GEN1: variants seen among roughly 807,000 people sequenced by gnomAD.
GEN1 encodes flap endonuclease GEN homolog 1.
A neutral mutation model predicts 67.6 loss-of-function variants in GEN1; 64 were observed. The observed-to-expected ratio is 0.95, with a 90% confidence interval of 0.77 to 1.17. The LOEUF (loss-of-function observed/expected upper bound fraction) is 1.17, where lower values mean the gene tolerates loss of function less well. GEN1 is among the 50% of genes most tolerant of loss of function. The pLI is 0.00. For missense variants in GEN1, 1,058 were observed against 1,048.3 expected, an observed-to-expected ratio of 1.01 and a Z score of -0.13; for synonymous variants, 371 against 359.4, an observed-to-expected ratio of 1.03 and a Z score of -0.37.
chr2:17,779,216 C>T (rs1345877902), intron 12 of GEN1, among the ~76,000 whole-genome samples: 2 of 152,200 alleles, frequency 1.3e-5, no homozygotes, highest in Admixed American at 6.5e-5. Context: ...AGCCACTGCG[C>T]CCAGCCTGGA....
chr2:17,777,716 C>T (rs1036617635), intron 11 of GEN1, among the ~76,000 whole-genome samples: 1 of 152,080 alleles, frequency 6.6e-6, no homozygotes, highest in African/African-American at 2.4e-5. Flanking sequence ...AAATACTGTA[C>T]TTACCAAAGT....
At chr2:17,757,213 T>C (rs1019981958) in intron 1 of GEN1, among the ~76,000 whole-genome samples, 6 of 151,762 alleles carry the variant, frequency 4.0e-5, no homozygotes, top group African/African-American at 1.5e-4. Flanking sequence ...TTTATCTTGC[T>C]TAGGGGTTTC....
rs752416254 is a variant in GEN1 at position 17,764,899 on chromosome 2, C to G, written c.351C>G (p.Cys117Trp). The change falls in exon 4 of 14, where the codon TGC becomes TGG. Residue 117 changes from cysteine (C) to tryptophan (W), a missense_variant and splice_region_variant. Transcript: ENST00000381254. ...RSHFKSVLRE[C>W]LHMLECLGIP... ...TTGCACCTGCTTTTTGTTTTCAGTG[C>G]CTCCATATGCTCGAATGCTTAGGAA... is the stretch of plus-strand genomic sequence containing the variant. 4 of 1,610,290 alleles carry G rather than the reference C, an allele frequency of 2.5e-6. No individual in the cohort carries two copies. The highest frequency in any genetic ancestry group is 3.4e-6 in the Non-Finnish European group (4 of 1,178,804).
rs1249221996 is a variant in GEN1, at chr2:17,771,264, A to G, written c.779A>G (p.His260Arg). The change falls in exon 7 of 14, where the codon CAT (histidine) becomes CGT (arginine). Residue 260 changes from histidine (H) to arginine (R), a missense_variant. By Grantham distance (29) the His-to-Arg change is conservative (BLOSUM62 0). Transcript: ENST00000381254. ...CTGCTAGTCACTAAAAAACTGGCTC[A>G]TTGTTCCGTATGTTCCCATCCAGGT... ...PQLLVTKKLAHCSVCSHPGSP... is the reference protein window; with the variant it reads ...PQLLVTKKLARCSVCSHPGSP... The G allele has an allele frequency of 1.9e-6, 3 of 1,604,954 alleles. No individual in the cohort carries two copies. The highest frequency in any genetic ancestry group is 2.6e-6 in the Non-Finnish European group (3 of 1,172,096).
rs750751476 is a variant in GEN1, at chr2:17,764,895, A to T, written c.349-2A>T. ...CATCTTGCACCTGCTTTTTGTTTTC[A>T]GTGCCTCCATATGCTCGAATGCTTA... On this transcript the variant is annotated splice_acceptor_variant, in intron 3 of 13. Coordinates refer to ENST00000381254, the MANE Select transcript of GEN1 (RefSeq NM_001130009.3). LOFTEE classifies it high-confidence loss of function. The T allele has an allele frequency of 6.2e-7, 1 of 1,606,748 alleles. No individual in the cohort carries two copies. The highest frequency in any genetic ancestry group is 1.7e-5 in the Admixed American group (1 of 57,424).
chr2:17,760,122 A>G lies in GEN1; in HGVS notation c.161+18A>G, dbSNP rs776745355. The G allele has an allele frequency of 5.4e-5, 87 of 1,611,462 alleles. 1 individual carries two copies. In the Admixed American group the frequency reaches 1.3e-3, roughly 24 times the overall value. ...CACCTCAGGTATAGTAAAAGCTCTT[A>G]CAGTATAAATGTATGATGTATAAAC... On this transcript the variant is annotated intron_variant, in intron 2 of 13. Coordinates refer to ENST00000381254, the MANE Select transcript of GEN1 (RefSeq NM_001130009.3).
intron 11 of GEN1, 36 bp from the exon 12 acceptor site, chr2:17,777,966 T>C (rs1367045344): frequency 4.3e-6 from 5 of 1,159,874 alleles, no homozygotes; most frequent in African/African-American, 1.5e-5. Flanking sequence ...AAATATCTTA[T>C]GCAATTAGAC....
chr2:17,778,007 T>C lies in GEN1; in HGVS notation c.1208T>C (p.Val403Ala). 1 of 1,583,968 alleles carries C rather than the reference T, an allele frequency of 6.3e-7. No individual in the cohort carries two copies. The highest frequency in any genetic ancestry group is 1.1e-5 in the South Asian group (1 of 90,146). Residue 403 changes from valine (V) to alanine (A), a missense_variant, in exon 12 of 14, where the codon GTT becomes GCT. Coordinates refer to ENST00000381254, the MANE Select transcript of GEN1 (RefSeq NM_001130009.3). ...TAAATGAATTTGTTTTTCAGAATTG[T>C]TAAGACTCGAATCAGAAATGGAGTT... ...NSNQLQPIRI[V>A]KTRIRNGVHC...
rs1672936974 is a variant in GEN1, at chr2:17,783,453, T to A, written c.*1514T>A. 1 of 152,238 alleles carries A rather than the reference T, an allele frequency of 6.6e-6. No individual in the cohort carries two copies. Among genetic ancestry groups the A allele is most frequent in the East Asian group, 1.9e-4 (1 of 5,206 alleles). 9.4% of individuals were successfully genotyped at this position (152,238 alleles called of 1,614,324 possible). A position where few individuals can be genotyped will look rare whatever the true frequency, so the allele number is the denominator to read the frequency against. ...GATGACCATACTCCCCAAACTGATCTACAGGTTAAATGTAATTCCCATTAA... is the reference window on the plus strand; with the variant it reads ...GATGACCATACTCCCCAAACTGATCAACAGGTTAAATGTAATTCCCATTAA... On this transcript the variant is annotated 3_prime_UTR_variant, in exon 14 of 14. Coordinates refer to ENST00000381254, the MANE Select transcript of GEN1 (RefSeq NM_001130009.3).
At chr2:17,772,912 T>A in intron 8 of GEN1, 128 bp downstream of exon 8, 1 of 998,188 alleles carries the variant, frequency 1.0e-6, no homozygotes, top group Non-Finnish European at 1.4e-6. Flanking sequence ...TTTTTTTTCA[T>A]TTCTGTTCAA....
chr2:17,786,044 C>G lies in GEN1; in HGVS notation c.*4105C>G, dbSNP rs1328691197. ...ATTCTTTTCTGCTAACAGATTTTCTCTGTGACCCTGGAGACATTTTCTAAC... is the reference window on the plus strand; with the variant it reads ...ATTCTTTTCTGCTAACAGATTTTCTGTGTGACCCTGGAGACATTTTCTAAC... On this transcript the variant is annotated 3_prime_UTR_variant, in exon 14 of 14. Transcript: ENST00000381254. 1.3e-5 allele frequency: 2 copies of G among 152,328 alleles called. No homozygotes were observed. Among genetic ancestry groups the G allele is most frequent in the African/African-American group, 4.8e-5 (2 of 41,578 alleles). The allele number at this position is 152,328 out of a possible 1,614,324, so 9.4% of individuals were successfully genotyped here.
chr2:17,780,906 C>T lies in GEN1; in HGVS notation c.1694C>T (p.Ser565Leu). 2 of 1,613,932 alleles carry T rather than the reference C, an allele frequency of 1.2e-6. No individual in the cohort carries two copies. The highest frequency in any genetic ancestry group is 1.7e-6 in the Non-Finnish European group (2 of 1,179,940). Residue 565 changes from serine to leucine, a missense_variant, in exon 14 of 14, where the codon TCA (serine) becomes TTA (leucine). Ser to Leu is a moderately radical substitution (Grantham distance 145). Coordinates refer to ENST00000381254, the MANE Select transcript of GEN1 (RefSeq NM_001130009.3). ...AAAGCTGTCAGTAAGTCTCTAATTT[C>T]AGAATCTAGTCAACCCAATACCTCA... ...QIKAVSKSLI[S>L]ESSQPNTSSH...
rs761932969 is a variant in GEN1 at position 17,768,816 on chromosome 2, C to T, written c.710+5C>T. ...AGGGCAAAGTTTACTTCAGAGGTAA[C>T]TAATAATTACTTTCTCTTGTGACAT... On this transcript the variant is annotated splice_donor_5th_base_variant and intron_variant, in intron 6 of 13. Transcript: ENST00000381254. The T allele has an allele frequency of 6.6e-7, 1 of 1,524,840 alleles. No individual in the cohort carries two copies. The highest frequency in any genetic ancestry group is 9.1e-7 in the Non-Finnish European group (1 of 1,100,548). The allele number at this position is 1,524,840 out of a possible 1,614,324, so 94.5% of individuals were successfully genotyped here. A position where few individuals can be genotyped will look rare whatever the true frequency, so the allele number is the denominator to read the frequency against.
intron 1 of GEN1, among the ~76,000 whole-genome samples, chr2:17,757,420 A>G (rs1375203477): frequency 6.6e-6 from 1 of 152,042 alleles, no homozygotes; most frequent in Non-Finnish European, 1.5e-5. Context: ...CAGAAGGAAT[A>G]CAGTTAACAT....
rs1423673416 is a variant in GEN1 at position 17,780,893 on chromosome 2, A to T, written c.1681A>T (p.Lys561Ter). Reference protein sequence around the residue: ...LAIQQIKAVSKSLISESSQPN... With the variant: ...LAIQQIKAVS ...TATACAGCAAATTAAAGCTGTCAGT[A>T]AGTCTCTAATTTCAGAATCTAGTCA... Residue 561 changes from lysine to a stop codon, truncating the protein, a stop_gained, in exon 14 of 14, where the codon AAG becomes TAG. Transcript: ENST00000381254. LOFTEE classifies it low-confidence loss of function (END_TRUNC). The T allele has an allele frequency of 2.5e-6, 4 of 1,613,924 alleles. No individual in the cohort carries two copies. In the South Asian group the frequency reaches 4.4e-5, roughly 18 times the overall value.
At chr2:17,756,617 G>T (rs1226950863) in intron 1 of GEN1, among the ~76,000 whole-genome samples, 1 of 151,792 alleles carries the variant, frequency 6.6e-6, no homozygotes, top group African/African-American at 2.4e-5. Flanking sequence ...TATAGAAATG[G>T]GGTCTCACCA....
At chr2:17,772,598 C>CA in intron 7 of GEN1, 36 bp from the exon 8 acceptor site, 1 of 1,557,040 alleles carries the variant, frequency 6.4e-7, no homozygotes, top group Non-Finnish European at 8.7e-7. Flanking sequence ...TTATAAAAGG[C>CA]AAAAAATATT....
intron 5 of GEN1, among the ~76,000 whole-genome samples, chr2:17,767,952 C>T (rs1239883104): frequency 1.3e-5 from 2 of 152,200 alleles, no homozygotes; most frequent in East Asian, 3.8e-4. Flanking sequence ...CTGGGTATCC[C>T]TGCTGTGCCA....
chr2:17,788,648 C>A lies in GEN1; in HGVS notation c.*6709C>A, dbSNP rs1034979879. 4 of 152,164 alleles carry A rather than the reference C, an allele frequency of 2.6e-5. No individual in the cohort carries two copies. The highest frequency in any genetic ancestry group is 7.2e-5 in the African/African-American group (3 of 41,438). The allele number at this position is 152,164 out of a possible 1,614,324, so 9.4% of individuals were successfully genotyped here. ...AAAAACTGCTTGTATATTTAGAATT[C>A]TCTGATCAAAGACCTAATGAAAAGA... On this transcript the variant is annotated 3_prime_UTR_variant, in exon 14 of 14. Transcript: ENST00000381254.
Sources: gnomAD v4.1 joint callset for allele counts (sites outside exome capture counted in the v4.1 genomes callset) on GRCh38, gnomAD v4.1.1 for gene constraint, MANE v1.5 for transcripts, NCBI Gene and HGNC (gene_info 2026-07-23, HGNC 2026-07-21) for gene names.